The following COL5A2 variants were observed in gnomAD, a reference collection of about 807,000 sequenced individuals.
The protein encoded by COL5A2 is collagen type V alpha 2 chain.
Under a neutral mutation model 208.2 loss-of-function variants are expected in COL5A2, and 23 were observed. The ratio of observed to expected loss-of-function variants is 0.11; its 90% CI spans 0.08 to 0.16. The LOEUF (loss-of-function observed/expected upper bound fraction) is 0.16. Among genes scored for constraint, COL5A2 ranks in the 10% least tolerant of loss-of-function variants. The pLI is 1.00. For synonymous variants in COL5A2, 625 were observed against 628.5 expected (o/e 0.99, Z 0.08); for missense variants, 1,590 against 1,956.4 (o/e 0.81, Z 3.53).
chr2:189,061,085 A>G (rs199861872), intron 30 of COL5A2, among the ~76,000 whole-genome samples: 2 of 152,156 alleles, frequency 1.3e-5, no homozygotes, highest in Non-Finnish European at 2.9e-5. Context: ...TCTGTGAACA[A>G]TATTTTAGAC....
chr2:189,425,955 C>G, the COL5A2 span, among the ~76,000 whole-genome samples: 3 of 152,166 alleles, frequency 2.0e-5, no homozygotes, highest in African/African-American at 7.2e-5. Context: ...AATCCTGAGC[C>G]AATTAAACTT....
chr2:189,296,111 C>T, the COL5A2 span, among the ~76,000 whole-genome samples: 1 of 152,142 alleles, frequency 6.6e-6, no homozygotes, highest in Non-Finnish European at 1.5e-5. Context: ...CTTGAAAATG[C>T]TCCACAAGCA....
the COL5A2 span, among the ~76,000 whole-genome samples, chr2:189,359,355 G>A: frequency 6.6e-5 from 10 of 152,052 alleles, no homozygotes; most frequent in South Asian, 6.2e-4. Context: ...CCTTCATTCC[G>A]TTAGTATGGT....
At chr2:189,243,017 G>A in the COL5A2 span, among the ~76,000 whole-genome samples, 1 of 152,150 alleles carries the variant, frequency 6.6e-6, no homozygotes, top group African/African-American at 2.4e-5. Context: ...TTGGATGGAG[G>A]AGTAGATAAT....
chr2:189,323,358 T>C, the COL5A2 span, among the ~76,000 whole-genome samples: 152 of 152,196 alleles, frequency 1.0e-3, no homozygotes, highest in African/African-American at 3.5e-3. Flanking sequence ...GGGTATTCAA[T>C]TAGGAAAAGA....
the COL5A2 span, among the ~76,000 whole-genome samples, chr2:189,275,065 G>A: frequency 3.3e-5 from 5 of 152,096 alleles, no homozygotes; most frequent in African/African-American, 9.6e-5. Flanking sequence ...AAAGCTCTTC[G>A]AGGATTTTAG....
chr2:189,323,920 T>C, the COL5A2 span, among the ~76,000 whole-genome samples: 3 of 152,294 alleles, frequency 2.0e-5, no homozygotes, highest in East Asian at 3.9e-4. Context: ...GACTTCAAAC[T>C]ATACTACAAG....
intron 51 of COL5A2, 140 bp downstream of exon 51, chr2:189,039,132 T>A (rs1685504236): frequency 9.3e-7 from 1 of 1,080,960 alleles, no homozygotes. Flanking sequence ...CACCATTAAA[T>A]TATAAGCTCC....
chr2:189,350,657 G>A, the COL5A2 span, among the ~76,000 whole-genome samples: 1 of 152,292 alleles, frequency 6.6e-6, no homozygotes, highest in East Asian at 1.9e-4. Flanking sequence ...CTGTGGTCAT[G>A]GGTCACTTTC....
the COL5A2 span, among the ~76,000 whole-genome samples, chr2:189,434,361 A>T: frequency 3.9e-5 from 6 of 152,300 alleles, no homozygotes; most frequent in East Asian, 1.2e-3. Context: ...AATAAAGGGT[A>T]TTCAATTAGG....
In COL5A2 at chr2:189,115,164, A is replaced by T. The variant is rs190189022; in HGVS notation, c.98-4715T>A. On this transcript the variant is annotated intron_variant, in intron 1 of 53. Transcript: ENST00000374866. Reference sequence around the variant, plus strand: ...ACAGAAAAGAGATATATTTTATCTGATCACATTTTATTTGAAATCAACTCA... The same window carrying T: ...ACAGAAAAGAGATATATTTTATCTGTTCACATTTTATTTGAAATCAACTCA... Among the ~76,000 whole-genome samples the T allele has an allele frequency of 6.7e-3, 1,014 of 152,264 alleles. 10 individuals carry two copies. Among genetic ancestry groups the T allele is most frequent in the Non-Finnish European group, 7.0e-3 (473 of 68,014 alleles).
the COL5A2 span, among the ~76,000 whole-genome samples, chr2:189,366,935 T>C: frequency 6.6e-6 from 1 of 152,154 alleles, no homozygotes; most frequent in Non-Finnish European, 1.5e-5. Flanking sequence ...ATCCCTAGAA[T>C]GAGATTGTGC....
At chr2:189,354,636 AT>A in the COL5A2 span, among the ~76,000 whole-genome samples, 5,596 of 151,958 alleles carry the variant, frequency 0.037, 118 homozygotes, top group Admixed American at 0.051. Context: ...CCCCTTTATC[AT>A]TTTTTTATTG....
chr2:189,064,581 C>T lies in COL5A2; in HGVS notation c.1692G>A (p.Gly564=), dbSNP rs761354942. ...KGSQGDPGRP[G]EPGLPGARGL... is the part of the protein sequence containing the mutation. ...CCCGAGCACCTGGAAGCCCAGGTTC[C>T]CCTGGACGTCCTGGATCCCCCTGGC... Residue 564 remains glycine, a synonymous_variant, in exon 25 of 54, where the codon GGG becomes GGA. Transcript: ENST00000374866. The T allele has an allele frequency of 6.2e-7, 1 of 1,613,826 alleles. No individual in the cohort carries two copies. The highest frequency in any genetic ancestry group is 1.1e-5 in the South Asian group (1 of 91,072).
At chr2:189,345,373 A>T in the COL5A2 span, among the ~76,000 whole-genome samples, 1 of 152,292 alleles carries the variant, frequency 6.6e-6, no homozygotes, top group South Asian at 2.1e-4. Flanking sequence ...TAGGCTGAAG[A>T]TATGGATTTA....
rs375129913 is a variant in COL5A2, at chr2:189,088,783, G to T, written c.568-11C>A. The T allele has an allele frequency of 2.5e-6, 4 of 1,610,262 alleles. No homozygotes were observed. Among genetic ancestry groups the T allele is most frequent in the Non-Finnish European group, 3.4e-6 (4 of 1,176,686 alleles). On this transcript the variant is annotated splice_polypyrimidine_tract_variant and intron_variant, in intron 7 of 53. Transcript: ENST00000374866. ...TTGAGCTGAAAACGGCTGTAAAAGC[G>T]ATATGTTGACATTATTTCTACAGTA... is the stretch of plus-strand genomic sequence containing the variant.
rs1271802995 is a variant in COL5A2, at chr2:189,041,633, T to C, written c.3586A>G (p.Ile1196Val). ...KEGNPGPLGP[I>V]GPPGVRGSVG... The stretch of plus-strand genomic sequence containing the variant: ...CTGCCTCGTACACCTGGAGGTCCAA[T>C]TGGCCCAAGTGGCCCAGGGTTTCCT... The change falls in exon 50 of 54, where the codon ATT becomes GTT. Residue 1196 changes from isoleucine (I) to valine (V), a missense_variant. Coordinates refer to ENST00000374866, the MANE Select transcript of COL5A2 (RefSeq NM_000393.5). 6.2e-7 allele frequency: 1 copy of C among 1,614,040 alleles called. No homozygotes were observed. The highest frequency in any genetic ancestry group is 8.5e-7 in the Non-Finnish European group (1 of 1,179,984).
chr2:189,238,598 T>A, the COL5A2 span, among the ~76,000 whole-genome samples: 5 of 152,148 alleles, frequency 3.3e-5, no homozygotes, highest in Admixed American at 6.6e-5. Flanking sequence ...GAAATAGGTT[T>A]AACTGACTCA....
At chr2:189,194,424 C>T (rs1436535383) in intron 1 of COL5A2, among the ~76,000 whole-genome samples, 6 of 152,154 alleles carry the variant, frequency 3.9e-5, no homozygotes. Flanking sequence ...AGGTTTCTTT[C>T]TCACTTAGGA....
Sources: gnomAD v4.1 joint callset for allele counts (sites outside exome capture counted in the v4.1 genomes callset) on GRCh38, gnomAD v4.1.1 for gene constraint, MANE v1.5 for transcripts, NCBI Gene and HGNC (gene_info 2026-07-23, HGNC 2026-07-21) for gene names.